MAGED1: variants seen among roughly 807,000 people sequenced by gnomAD.
MAGED1 encodes melanoma-associated antigen D1.
MAGED1 carries 3 observed loss-of-function variants against 54.1 expected under a neutral mutation model. That is an observed-to-expected ratio of 0.06 (90% confidence interval 0.03 to 0.14). The LOEUF (loss-of-function observed/expected upper bound fraction) is 0.14, where lower values mean the gene tolerates loss of function less well. Among genes scored for constraint, MAGED1 ranks in the 10% least tolerant of loss-of-function variants. The pLI is 1.00. For synonymous variants in MAGED1, 217 were observed against 227.3 expected, an observed-to-expected ratio of 0.95 and a Z score of 0.41; for missense variants, 485 against 623.4, an observed-to-expected ratio of 0.78 and a Z score of 2.36.
chrX:51,901,499 C>T lies in MAGED1; in HGVS notation c.1960-54C>T, dbSNP rs782113175. The T allele has an allele frequency of 1.0e-5, 11 of 1,079,137 alleles. No homozygotes were observed. In the East Asian group the frequency reaches 3.2e-4, roughly 31 times the overall value. The allele number at this position is 1,079,137 out of a possible 1,213,427, so 88.9% of individuals were successfully genotyped here. A position where few individuals can be genotyped will look rare whatever the true frequency, so the allele number is the denominator to read the frequency against. On this transcript the variant is annotated intron_variant, in intron 11 of 12. Transcript: ENST00000326587. ...CACTGATGGACAGGTAGGTTGATTC[C>T]ATATCTTGGCTATTGTAAATGGATT...
At position 51,898,565 on chromosome X, in the gene MAGED1, C is replaced by A; in HGVS notation, c.1782-16C>A. ...GTAATAGCCTCTGATTGTGGGTTTCCTTTTTTTACCTTCAGGGTGAGACAT... is the reference window on the plus strand; with the variant it reads ...GTAATAGCCTCTGATTGTGGGTTTCATTTTTTTACCTTCAGGGTGAGACAT... On this transcript the variant is annotated splice_polypyrimidine_tract_variant and intron_variant, in intron 9 of 12. Transcript: ENST00000326587. 1 of 1,196,717 alleles carries A rather than the reference C, an allele frequency of 8.4e-7. No individual in the cohort carries two copies. Among genetic ancestry groups the A allele is most frequent in the Non-Finnish European group, 1.1e-6 (1 of 887,645 alleles).
At chrX:51,873,051 A>AT (rs1297102554) in intron 1 of MAGED1, among the ~76,000 whole-genome samples, 4 of 109,693 alleles carry the variant, frequency 3.6e-5, no homozygotes, top group Non-Finnish European at 7.6e-5. Flanking sequence ...TTGTCAAAAA[A>AT]AAAAAAATAA....
chrX:51,859,149 A>G (rs1158640622), intron 1 of MAGED1, among the ~76,000 whole-genome samples: 1 of 110,005 alleles, frequency 9.1e-6, no homozygotes, highest in South Asian at 3.9e-4. Context: ...TTTTTAGGTC[A>G]GGATATAATA....
chrX:51,853,430 G>C (rs913994929), intron 1 of MAGED1, among the ~76,000 whole-genome samples: 1 of 112,264 alleles, frequency 8.9e-6, no homozygotes, highest in Non-Finnish European at 1.9e-5. Context: ...TGCAAAACTG[G>C]CCTGCTTCCA....
chrX:51,822,580 G>A (rs1226799249), intron 1 of MAGED1, among the ~76,000 whole-genome samples: 1 of 109,681 alleles, frequency 9.1e-6, no homozygotes, highest in Non-Finnish European at 1.9e-5. Flanking sequence ...TTTGAGTTTA[G>A]TTTTCTTTTT....
chrX:51,810,173 T>C, intron 1 of MAGED1, among the ~76,000 whole-genome samples: 1 of 111,227 alleles, frequency 9.0e-6, no homozygotes, highest in African/African-American at 3.3e-5. Flanking sequence ...TTTCACATTA[T>C]CTCGTTAGTC....
chrX:51,899,872 T>C, intron 10 of MAGED1: 1 of 250,082 alleles, frequency 4.0e-6, no homozygotes, highest in Non-Finnish European at 7.1e-6. Flanking sequence ...CTCATTTCAA[T>C]GGACCTCTGT....
At chrX:51,900,648 G>A (rs1159091836) in intron 11 of MAGED1, among the ~76,000 whole-genome samples, 3 of 110,497 alleles carry the variant, frequency 2.7e-5, no homozygotes, top group African/African-American at 9.9e-5. Context: ...GTTTTCTCCC[G>A]AGATGGAGTT....
intron 1 of MAGED1, among the ~76,000 whole-genome samples, chrX:51,844,589 T>C (rs1455722408): frequency 8.9e-6 from 1 of 112,091 alleles, no homozygotes; most frequent in African/African-American, 3.2e-5. Context: ...CTCTTCTCTC[T>C]GATCTCTGCA....
intron 1 of MAGED1, among the ~76,000 whole-genome samples, chrX:51,805,965 C>CTTTTTTTTTTT (rs57427122): frequency 2.2e-4 from 8 of 36,948 alleles, no homozygotes; most frequent in South Asian, 3.8e-3. Flanking sequence ...CTTTTCTTTT[C>CTTTTTTTTTTT]TTTTTTTTTT....
upstream of MAGED1, among the ~76,000 whole-genome samples, chrX:51,888,594 C>T (rs1557363050): frequency 9.0e-6 from 1 of 111,660 alleles, no homozygotes; most frequent in African/African-American, 3.3e-5. Context: ...TACTATATAC[C>T]CCAACAATTG....
At chrX:51,830,948 G>C (rs1557357396) in intron 1 of MAGED1, among the ~76,000 whole-genome samples, 1 of 111,927 alleles carries the variant, frequency 8.9e-6, no homozygotes, top group Non-Finnish European at 1.9e-5. Context: ...TACAACCTCT[G>C]CTTCCCTGGT....
At chrX:51,806,458 A>T in intron 1 of MAGED1, among the ~76,000 whole-genome samples, 1 of 112,132 alleles carries the variant, frequency 8.9e-6, no homozygotes, top group Non-Finnish European at 1.9e-5. Context: ...AGTTTGTGTT[A>T]ATTTTTTGGC....
chrX:51,880,144 G>A (rs1025404929), intron 1 of MAGED1, among the ~76,000 whole-genome samples: 1 of 112,142 alleles, frequency 8.9e-6, no homozygotes, highest in Non-Finnish European at 1.9e-5. Flanking sequence ...ACAGCCTCAC[G>A]GAGGTTAATA....
intron 1 of MAGED1, among the ~76,000 whole-genome samples, chrX:51,840,847 G>T (rs1557358446): frequency 2.7e-5 from 3 of 109,381 alleles, no homozygotes; most frequent in African/African-American, 3.3e-5. Context: ...TTGGACATTT[G>T]GGTTGGTTCC....
chrX:51,868,519 G>C (rs781930544), intron 1 of MAGED1, among the ~76,000 whole-genome samples: 31 of 111,156 alleles, frequency 2.8e-4, no homozygotes, highest in Non-Finnish European at 5.1e-4. Context: ...GTGTAAGGAT[G>C]GTATGAAATC....
At chrX:51,875,239 G>A (rs1927826495) in intron 1 of MAGED1, among the ~76,000 whole-genome samples, 1 of 110,768 alleles carries the variant, frequency 9.0e-6, no homozygotes, top group African/African-American at 3.3e-5. Context: ...TCAGTACTCT[G>A]TCAAATACTT....
chrX:51,894,737 C>A (rs1928638770), intron 2 of MAGED1: 1 of 1,159,492 alleles, frequency 8.6e-7, no homozygotes, highest in Non-Finnish European at 1.1e-6. Flanking sequence ...CTCAACTCCG[C>A]GATCCGCCTG....
At chrX:51,850,578 T>G (rs1335670194) in intron 1 of MAGED1, among the ~76,000 whole-genome samples, 2 of 111,636 alleles carry the variant, frequency 1.8e-5, no homozygotes, top group Admixed American at 1.9e-4. Flanking sequence ...GTTTCAGTAT[T>G]GAGGTACATG....
Sources: allele counts gnomAD v4.1 joint callset (sites outside exome capture counted in the v4.1 genomes callset), GRCh38; gene constraint gnomAD v4.1.1; transcripts MANE v1.5; gene names NCBI Gene and HGNC (gene_info 2026-07-23, HGNC 2026-07-21).